ABLIM3: variants seen among roughly 807,000 people sequenced by gnomAD.
ABLIM3 encodes actin-binding LIM protein 3.
In ABLIM3, 61 loss-of-function variants were observed where a neutral mutation model predicts 109.5. That is an observed-to-expected ratio of 0.56 (90% confidence interval 0.45 to 0.69). The LOEUF is 0.69. ABLIM3 is among the 30% of genes least tolerant of loss of function. The probability of loss-of-function intolerance (pLI) is 0.00; values close to 1 mark genes in which losing one functional copy is unlikely to be tolerated. For missense variants in ABLIM3, 796 were observed against 889.5 expected (o/e 0.89, Z 1.34); for synonymous variants, 300 against 324.8 (o/e 0.92, Z 0.82).
intron 11 of ABLIM3, 111 bp downstream of exon 11, chr5:149,237,714 ACT>A: frequency 7.4e-7 from 1 of 1,345,738 alleles, no homozygotes; most frequent in Non-Finnish European, 1.0e-6. Flanking sequence ...TGGCTCCCAG[ACT>A]CTTCTACACT....
At chr5:149,197,055 G>C (rs1223533869) in intron 3 of ABLIM3, among the ~76,000 whole-genome samples, 5 of 152,104 alleles carry the variant, frequency 3.3e-5, no homozygotes, top group African/African-American at 1.2e-4. Context: ...CTGAGTGATG[G>C]AGAATTATTA....
intron 22 of ABLIM3, 78 bp downstream of exon 22, chr5:149,252,286 G>C: frequency 6.5e-7 from 1 of 1,531,690 alleles, no homozygotes; most frequent in South Asian, 1.2e-5. Flanking sequence ...GAGGATGACA[G>C]CACTGTCTAT....
intron 2 of ABLIM3, among the ~76,000 whole-genome samples, chr5:149,168,867 C>T (rs778898067): frequency 9.9e-5 from 15 of 152,172 alleles, no homozygotes; most frequent in Non-Finnish European, 1.9e-4. Context: ...GATTTCTTGA[C>T]CTTTAGTGAG....
intron 8 of ABLIM3, among the ~76,000 whole-genome samples, chr5:149,230,014 G>T (rs1188735470): frequency 6.6e-6 from 1 of 152,232 alleles, no homozygotes; most frequent in Non-Finnish European, 1.5e-5. Context: ...AAATGTGATA[G>T]CTCTGGTAGA....
intron 19 of ABLIM3, 21 bp downstream of exon 19, chr5:149,249,865 C>G: frequency 6.2e-7 from 1 of 1,614,114 alleles, no homozygotes; most frequent in Non-Finnish European, 8.5e-7. Context: ...CCTGCCCTAC[C>G]TTCAGCCCAT....
intron 3 of ABLIM3, among the ~76,000 whole-genome samples, chr5:149,195,604 GCAAAGGAGA>G (rs1757888589): frequency 6.6e-6 from 1 of 152,042 alleles, no homozygotes; most frequent in South Asian, 2.1e-4. Context: ...GGTGGAGTTG[GCAAAGGAGA>G]CAAAGGAGAG....
At chr5:149,249,708 G>T (rs1753745585) in intron 18 of ABLIM3, 107 bp from the exon 19 acceptor site, 1 of 1,396,126 alleles carries the variant, frequency 7.2e-7, no homozygotes, top group African/African-American at 1.4e-5. Context: ...TTCCCAGCCA[G>T]CCAGGGGGAT....
intron 2 of ABLIM3, among the ~76,000 whole-genome samples, chr5:149,149,436 A>G (rs940447730): frequency 4.6e-5 from 7 of 152,318 alleles, no homozygotes; most frequent in African/African-American, 1.7e-4. Flanking sequence ...TCTGATTAAA[A>G]ATTAGTCTGT....
At chr5:149,241,039 G>A (rs533128910) in intron 14 of ABLIM3, among the ~76,000 whole-genome samples, 99 of 152,366 alleles carry the variant, frequency 6.5e-4, no homozygotes, top group Non-Finnish European at 1.1e-3. Context: ...GTGAGATACC[G>A]TGAGTGCTTG....
rs1736047468 is a variant in ABLIM3 at position 149,198,817 on chromosome 5, C to T, written c.335+415C>T. 6.6e-6 allele frequency among the ~76,000 whole-genome samples: 1 copy of T among 152,164 alleles called. No homozygotes were observed. Among genetic ancestry groups the T allele is most frequent in the Non-Finnish European group, 1.5e-5 (1 of 68,022 alleles). On this transcript the variant is annotated intron_variant, in intron 4 of 23. Transcript: ENST00000309868. This position sits in a 1 kb window ranked among gnomAD's most constrained non-coding sequence, Gnocchi z 4.2. ...ACATAGCCTTCCTCCATCATCCTGG[C>T]ACCACCTCATGCTGTTGGAGTGACC...
chr5:149,254,087 G>GC (rs1177860439), intron 23 of ABLIM3, among the ~76,000 whole-genome samples: 2 of 152,036 alleles, frequency 1.3e-5, no homozygotes, highest in African/African-American at 4.8e-5. Context: ...ATGGGAAACT[G>GC]CCCCCAAGAT....
At chr5:149,178,042 G>A (rs892798287) in intron 2 of ABLIM3, among the ~76,000 whole-genome samples, 2 of 152,124 alleles carry the variant, frequency 1.3e-5, no homozygotes, top group African/African-American at 4.8e-5. Flanking sequence ...GCTGTGTCGT[G>A]TGCTTCCCAC....
intron 2 of ABLIM3, among the ~76,000 whole-genome samples, chr5:149,152,366 TG>T (rs1753512123): frequency 6.6e-6 from 1 of 152,188 alleles, no homozygotes; most frequent in African/African-American, 2.4e-5. Flanking sequence ...TTAATGATTA[TG>T]GGAGAAAATC....
chr5:149,196,042 T>C (rs1489792486), intron 3 of ABLIM3, among the ~76,000 whole-genome samples: 4 of 152,126 alleles, frequency 2.6e-5, no homozygotes, highest in Non-Finnish European at 5.9e-5. Context: ...CCCAGAGAAG[T>C]GAGGGTAAAG....
chr5:149,239,648 C>G, intron 12 of ABLIM3, 111 bp from the exon 13 acceptor site: 1 of 1,458,866 alleles, frequency 6.9e-7, no homozygotes, highest in Non-Finnish European at 9.2e-7. Context: ...GTATTCACAC[C>G]TCAAACCCGA....
intron 2 of ABLIM3, among the ~76,000 whole-genome samples, chr5:149,146,739 C>G (rs1752966542): frequency 1.3e-5 from 2 of 152,130 alleles, no homozygotes; most frequent in Admixed American, 1.3e-4. Context: ...AGTTTGAAGT[C>G]AGGTAATGTG....
At chr5:149,213,177 G>C (rs1051601516) in intron 7 of ABLIM3, among the ~76,000 whole-genome samples, 4 of 152,126 alleles carry the variant, frequency 2.6e-5, no homozygotes, top group African/African-American at 9.7e-5. Context: ...CTCAGGCCTG[G>C]AGGAGCCAAT....
chr5:149,216,359 C>T (rs1002533274), intron 7 of ABLIM3, among the ~76,000 whole-genome samples: 5 of 152,176 alleles, frequency 3.3e-5, no homozygotes, highest in African/African-American at 1.2e-4. Flanking sequence ...AAATAGAGTT[C>T]TAGCTAGATT....
At chr5:149,226,731 A>G (rs1032681573) in intron 8 of ABLIM3, among the ~76,000 whole-genome samples, 18 of 152,318 alleles carry the variant, frequency 1.2e-4, no homozygotes, top group African/African-American at 4.3e-4. Flanking sequence ...TAGAATGCCA[A>G]CATTCTAGAA....
Sources: allele counts gnomAD v4.1 joint callset (sites outside exome capture counted in the v4.1 genomes callset), GRCh38; gene constraint gnomAD v4.1.1; non-coding constraint Gnocchi (gnomAD v3.1); transcripts MANE v1.5; gene names NCBI Gene and HGNC (gene_info 2026-07-23, HGNC 2026-07-21).